The following COMMD1 variants were observed in gnomAD, a reference collection of about 807,000 sequenced individuals.
COMMD1 encodes the protein copper metabolism domain containing 1.
COMMD1 carries 10 observed loss-of-function variants against 17.2 expected under a neutral mutation model. The observed-to-expected ratio is 0.58, with a 90% CI of 0.36 to 0.99. The LOEUF is 0.99. Among genes scored for constraint, COMMD1 ranks in the 50% least tolerant of loss-of-function variants. COMMD1 has a pLI of 0.01. For synonymous variants in COMMD1, 97 were observed against 91.6 expected, an observed-to-expected ratio of 1.06 and a Z score of -0.34; for missense variants, 270 against 231.8, an observed-to-expected ratio of 1.17 and a Z score of -1.07.
intron 2 of COMMD1, among the ~76,000 whole-genome samples, chr2:62,092,144 T>G (rs1573174183): frequency 1.3e-5 from 2 of 152,252 alleles, no homozygotes; most frequent in Admixed American, 1.3e-4. Context: ...GAAATGAGAA[T>G]GAACAAGTAA....
At chr2:62,086,065 A>T (rs1008248456) in intron 2 of COMMD1, among the ~76,000 whole-genome samples, 2 of 151,910 alleles carry the variant, frequency 1.3e-5, no homozygotes, top group Non-Finnish European at 2.9e-5. Context: ...CTGGGGAGGG[A>T]AAAGGTGTGT....
At chr2:62,131,505 C>CTTTT (rs1553395312) in intron 2 of COMMD1, among the ~76,000 whole-genome samples, 2 of 152,004 alleles carry the variant, frequency 1.3e-5, no homozygotes, top group Non-Finnish European at 2.9e-5. Flanking sequence ...GCCTGCCTTC[C>CTTTT]TTTCTTTTCT....
chr2:61,962,903 G>C (rs1187633140), intron 1 of COMMD1, among the ~76,000 whole-genome samples: 1 of 152,102 alleles, frequency 6.6e-6, no homozygotes, highest in Admixed American at 6.5e-5. Context: ...GCTCATGCCT[G>C]TGATCCCAGC....
At chr2:62,025,908 G>T (rs185451282) in intron 2 of COMMD1, among the ~76,000 whole-genome samples, 324 of 152,194 alleles carry the variant, frequency 2.1e-3, no homozygotes, top group African/African-American at 4.9e-3. Context: ...TGGCCAGCCT[G>T]GTCTCAAACT....
chr2:61,998,768 G>C (rs1668840353), intron 1 of COMMD1, among the ~76,000 whole-genome samples: 1 of 152,176 alleles, frequency 6.6e-6, no homozygotes, highest in African/African-American at 2.4e-5. Flanking sequence ...AATACTTAGA[G>C]GCCATCGTAG....
Position 62,136,000 on chromosome 2 carries a change from C to G in COMMD1, c.*59C>G. On this transcript the variant is annotated 3_prime_UTR_variant, in exon 3 of 3. Coordinates refer to ENST00000311832, the MANE Select transcript of COMMD1 (RefSeq NM_152516.4). ...CCAAGGTGTCCATGATCCCTCCCCA[C>G]TGACCTTTTCTAAGAAAATTCTTGT... The G allele has an allele frequency of 3.5e-6, 3 of 865,426 alleles. No individual in the cohort carries two copies. Among genetic ancestry groups the G allele is most frequent in the South Asian group, 2.6e-5 (2 of 75,650 alleles). 53.6% of individuals were successfully genotyped at this position (865,426 alleles called of 1,614,324 possible).
chr2:62,086,476 A>T (rs1263175692), intron 2 of COMMD1, among the ~76,000 whole-genome samples: 1 of 150,800 alleles, frequency 6.6e-6, no homozygotes, highest in Non-Finnish European at 1.5e-5. Context: ...GCGCCACTGC[A>T]CTCCAGCCTG....
intron 1 of COMMD1, among the ~76,000 whole-genome samples, chr2:61,919,663 G>A (rs919275508): frequency 6.6e-6 from 1 of 151,948 alleles, no homozygotes; most frequent in African/African-American, 2.4e-5. Context: ...AGATTGTGAG[G>A]TAGGAACTGG....
intron 2 of COMMD1, among the ~76,000 whole-genome samples, chr2:62,034,080 C>T (rs1352321765): frequency 5.9e-5 from 8 of 135,680 alleles, no homozygotes; most frequent in Non-Finnish European, 1.2e-4. Context: ...CAGAGCAAGA[C>T]CCTGTCTCAA....
intron 2 of COMMD1, among the ~76,000 whole-genome samples, chr2:62,103,558 C>T (rs1390159718): frequency 6.6e-6 from 1 of 152,162 alleles, no homozygotes; most frequent in African/African-American, 2.4e-5. Flanking sequence ...AGAACACAGG[C>T]ACAATTTTAT....
chr2:61,931,248 GT>G (rs1489788827), intron 1 of COMMD1, among the ~76,000 whole-genome samples: 1 of 152,120 alleles, frequency 6.6e-6, no homozygotes, highest in African/African-American at 2.4e-5. Context: ...GGAGGTAGAG[GT>G]TGCAGTGAGC....
At chr2:62,044,893 T>G (rs1372414152) in intron 2 of COMMD1, among the ~76,000 whole-genome samples, 3 of 152,048 alleles carry the variant, frequency 2.0e-5, no homozygotes, top group Non-Finnish European at 4.4e-5. Flanking sequence ...TCAAAGAGCT[T>G]CTATCATCAT....
chr2:61,996,947 G>A (rs1668774998), intron 1 of COMMD1, among the ~76,000 whole-genome samples: 1 of 152,144 alleles, frequency 6.6e-6, no homozygotes, highest in Non-Finnish European at 1.5e-5. Context: ...TGTTCTTAAT[G>A]GCACTTAGAA....
chr2:61,985,131 A>G (rs1672070789), intron 1 of COMMD1, among the ~76,000 whole-genome samples: 1 of 151,146 alleles, frequency 6.6e-6, no homozygotes, highest in Non-Finnish European at 1.5e-5. Context: ...GCTCACTGCA[A>G]GCTCCGCCTC....
chr2:62,085,213 C>T (rs970061621), intron 2 of COMMD1, among the ~76,000 whole-genome samples: 1 of 147,204 alleles, frequency 6.8e-6, no homozygotes, highest in Non-Finnish European at 1.5e-5. Context: ...AGGATTGTTA[C>T]AGTTTGAATT....
chr2:62,067,165 C>T (rs991299696), intron 2 of COMMD1, among the ~76,000 whole-genome samples: 1 of 150,672 alleles, frequency 6.6e-6, no homozygotes. Context: ...GCGGAGGTTG[C>T]GGTGAGCAGA....
At chr2:62,006,329 TA>T (rs1003815613) in intron 2 of COMMD1, among the ~76,000 whole-genome samples, 4 of 151,348 alleles carry the variant, frequency 2.6e-5, no homozygotes, top group Non-Finnish European at 5.9e-5. Flanking sequence ...ACATGTACCC[TA>T]AAACTTAAAG....
In COMMD1 at chr2:61,890,669, C is replaced by T. The variant is rs1053503353; in HGVS notation, n.119+1827C>T. Among the ~76,000 whole-genome samples the T allele has an allele frequency of 7.2e-5, 11 of 151,864 alleles. No individual in the cohort carries two copies. In the East Asian group the frequency reaches 1.8e-3, roughly 24 times the overall value. On this transcript the variant is annotated intron_variant and non_coding_transcript_variant, in intron 1 of 2. Coordinates refer to the COMMD1 transcript ENST00000472729. ...CAGCCTAGCCAACGTGGCGAAACCC[C>T]GTCTCTACTAAAAATCAAAACATTA...
chr2:62,061,579 G>A (rs1332424396), intron 2 of COMMD1, among the ~76,000 whole-genome samples: 7 of 142,760 alleles, frequency 4.9e-5, no homozygotes, highest in South Asian at 2.2e-4. Flanking sequence ...TTTTTGAGAC[G>A]GAATCTAGCT....
Sources: gnomAD v4.1 joint callset for allele counts (sites outside exome capture counted in the v4.1 genomes callset) on GRCh38, gnomAD v4.1.1 for gene constraint, MANE v1.5 for transcripts, NCBI Gene and HGNC (gene_info 2026-07-23, HGNC 2026-07-21) for gene names.